The following GLI4 variants were observed in gnomAD, a reference collection of about 807,000 sequenced individuals.
GLI4 encodes zinc finger protein GLI4.
Under a neutral mutation model 30.9 loss-of-function variants are expected in GLI4, and 34 were observed. That is an observed-to-expected ratio of 1.10 (90% CI 0.84 to 1.47). The LOEUF (loss-of-function observed/expected upper bound fraction) is 1.47, where lower values mean the gene tolerates loss of function less well. Ranked by LOEUF, GLI4 falls within the 40% of genes most tolerant of loss-of-function variation. GLI4 has a pLI of 0.00. For missense variants in GLI4, 696 were observed against 538.9 expected (o/e 1.29, Z -2.89); for synonymous variants, 277 against 236.7 (o/e 1.17, Z -1.56).
At chr8:143,275,590 A>G in intron 3 of GLI4, 3 of 1,247,892 alleles carry the variant, frequency 2.4e-6, no homozygotes, top group Non-Finnish European at 2.0e-6. Context: ...CTCCTGGCTA[A>G]GGGTGACCCC....
At chr8:143,269,760 C>T (rs1039449318) in intron 2 of GLI4, among the ~76,000 whole-genome samples, 2 of 152,246 alleles carry the variant, frequency 1.3e-5, no homozygotes, top group African/African-American at 4.8e-5. Flanking sequence ...CTAGGGACAG[C>T]TCCCCGCATT....
intron 3 of GLI4, 41 bp from the exon 4 acceptor site, chr8:143,275,856 G>A: frequency 4.8e-6 from 6 of 1,259,518 alleles, no homozygotes; most frequent in Non-Finnish European, 6.0e-6. Flanking sequence ...CCACGGTGGG[G>A]GCATGCGGGT....
intron 1 of GLI4, among the ~76,000 whole-genome samples, chr8:143,268,526 G>A (rs1469073884): frequency 1.3e-5 from 2 of 152,204 alleles, no homozygotes; most frequent in African/African-American, 4.8e-5. Context: ...GCTCTGTAGG[G>A]TCTGAGGAAG....
chr8:143,268,184 C>T, intron 1 of GLI4: 1 of 708,990 alleles, frequency 1.4e-6, no homozygotes, highest in African/African-American at 1.9e-5. Flanking sequence ...TGACCCTTCC[C>T]ATCATTAGGG....
intron 2 of GLI4, among the ~76,000 whole-genome samples, chr8:143,271,727 G>A (rs1352530256): frequency 6.6e-6 from 1 of 152,162 alleles, no homozygotes; most frequent in Non-Finnish European, 1.5e-5. Flanking sequence ...AGCAGAGGAG[G>A]TCCCAAGTAG....
At chr8:143,274,454 C>T in intron 2 of GLI4, 1 of 341,102 alleles carries the variant, frequency 2.9e-6, no homozygotes. Flanking sequence ...TTTGGCTCTG[C>T]TTACTGGGCT....
rs1161336582 is a variant in GLI4, at chr8:143,269,508, G to T, written c.112G>T (p.Gly38Trp). The change falls in exon 2 of 4, where the codon GGG (glycine) becomes TGG (tryptophan). Residue 38 changes from glycine (G) to tryptophan (W), a missense_variant. Coordinates refer to ENST00000340042, the MANE Select transcript of GLI4 (RefSeq NM_138465.4). Reference protein sequence around the residue: ...QHHEPQLHLHGHQHGSPGSSP... With the variant: ...QHHEPQLHLHWHQHGSPGSSP... ...CCACGAGCCTCAGCTTCACCTCCAT[G>T]GGCATCAACATGGTACTCACCCAGC... is the stretch of plus-strand genomic sequence containing the variant. 1.2e-6 allele frequency: 2 copies of T among 1,612,922 alleles called. No individual in the cohort carries two copies. Among genetic ancestry groups the T allele is most frequent in the Non-Finnish European group, 1.7e-6 (2 of 1,179,412 alleles).
rs1350122828 is a variant in GLI4 at position 143,275,461 on chromosome 8, G to C, written c.224-436G>C. On this transcript the variant is annotated intron_variant, in intron 3 of 3. Coordinates refer to ENST00000340042, the MANE Select transcript of GLI4 (RefSeq NM_138465.4). ...GGCAGCACACTTGCCACCGAGGCCTGGGGCAGCCCCATGAGGAGCTGTGCC... is the reference window on the plus strand; with the variant it reads ...GGCAGCACACTTGCCACCGAGGCCTCGGGCAGCCCCATGAGGAGCTGTGCC... 3.6e-5 allele frequency: 49 copies of C among 1,361,358 alleles called. No homozygotes were observed. The Middle Eastern group carries it at 8.1e-4, about 22-fold the overall frequency. The allele number at this position is 1,361,358 out of a possible 1,614,324, so 84.3% of individuals were successfully genotyped here. A position where few individuals can be genotyped will look rare whatever the true frequency, so the allele number is the denominator to read the frequency against.
intron 2 of GLI4, chr8:143,273,072 G>T (rs1381903899): frequency 6.6e-6 from 1 of 152,282 alleles, no homozygotes; most frequent in Non-Finnish European, 1.5e-5. Context: ...TGGAATCGGG[G>T]TCACTTTCTT....
At position 143,276,643 on chromosome 8, in the gene GLI4, G is replaced by T; in HGVS notation, c.970G>T (p.Glu324Ter). The T allele has an allele frequency of 6.2e-7, 1 of 1,612,272 alleles. No individual in the cohort carries two copies. The highest frequency in any genetic ancestry group is 8.5e-7 in the Non-Finnish European group (1 of 1,179,690). ...QRIHTGEKPY[E>*]CSDCGKAFRG... ...CATCCACACTGGCGAGAAGCCCTACGAGTGCTCCGACTGCGGCAAAGCCTT... is the reference window on the plus strand; with the variant it reads ...CATCCACACTGGCGAGAAGCCCTACTAGTGCTCCGACTGCGGCAAAGCCTT... The change falls in exon 4 of 4, where the codon GAG (glutamate) becomes TAG (stop). Residue 324 changes from glutamate (E) to a stop codon, truncating the protein, a stop_gained. Coordinates refer to ENST00000340042, the MANE Select transcript of GLI4 (RefSeq NM_138465.4). LOFTEE classifies it high-confidence loss of function.
At chr8:143,267,860 C>G (rs1020111663) in intron 1 of GLI4, 7 of 985,338 alleles carry the variant, frequency 7.1e-6, no homozygotes, top group Non-Finnish European at 7.2e-6. Context: ...CGGGCGGACG[C>G]GCTCTGTGCC....
intron 3 of GLI4, chr8:143,275,304 C>T (rs1160947960): frequency 6.8e-7 from 1 of 1,467,204 alleles, no homozygotes; most frequent in Non-Finnish European, 9.0e-7. Context: ...CTGGATTTAA[C>T]AGTGCTGAGC....
At chr8:143,268,077 G>C in intron 1 of GLI4, 1 of 985,440 alleles carries the variant, frequency 1.0e-6, no homozygotes. Flanking sequence ...GATCGAGCAG[G>C]CCCTTTTACC....
In GLI4 at chr8:143,276,905, G is replaced by C; in HGVS notation, c.*101G>C. Reference sequence around the variant, plus strand: ...GCCCAGCACCGCATGCCACGTGTCCGGAATAAATTCTTTTTGATTGTTGGA... The same window carrying C: ...GCCCAGCACCGCATGCCACGTGTCCCGAATAAATTCTTTTTGATTGTTGGA... On this transcript the variant is annotated 3_prime_UTR_variant, in exon 4 of 4. Coordinates refer to ENST00000340042, the MANE Select transcript of GLI4 (RefSeq NM_138465.4). The C allele has an allele frequency of 2.6e-6, 2 of 757,904 alleles. No individual in the cohort carries two copies. Among genetic ancestry groups the C allele is most frequent in the Non-Finnish European group, 4.2e-6 (2 of 480,272 alleles). 46.9% of individuals were successfully genotyped at this position (757,904 alleles called of 1,614,324 possible). A position where few individuals can be genotyped will look rare whatever the true frequency, so the allele number is the denominator to read the frequency against.
intron 3 of GLI4, 44 bp from the exon 4 acceptor site, chr8:143,275,853 G>A: frequency 8.0e-7 from 1 of 1,257,174 alleles, no homozygotes; most frequent in Non-Finnish European, 1.0e-6. Flanking sequence ...GTGCCACGGT[G>A]GGGGCATGCG....
chr8:143,271,341 C>A (rs1048411400), intron 2 of GLI4, among the ~76,000 whole-genome samples: 2 of 152,170 alleles, frequency 1.3e-5, no homozygotes, highest in African/African-American at 4.8e-5. Flanking sequence ...GGCCTTCATC[C>A]CCTCTTCATG....
chr8:143,270,179 C>T (rs7817433), intron 2 of GLI4, among the ~76,000 whole-genome samples: 1 of 152,250 alleles, frequency 6.6e-6, no homozygotes, highest in East Asian at 1.9e-4. Context: ...CCATATAGGT[C>T]AAGCCTGGAG....
In GLI4 at chr8:143,276,025, G is replaced by A. The variant is rs1329660748; in HGVS notation, c.352G>A (p.Gly118Arg). Reference protein sequence around the residue: ...PRRARCSAGFGPESSAERPAG... With the variant: ...PRRARCSAGFRPESSAERPAG... ...CAGGGCCCGGTGCAGCGCCGGCTTC[G>A]GGCCTGAATCCAGCGCGGAGCGGCC... The change falls in exon 4 of 4, where the codon GGG (glycine) becomes AGG (arginine). Residue 118 changes from glycine to arginine, a missense_variant. Coordinates refer to ENST00000340042, the MANE Select transcript of GLI4 (RefSeq NM_138465.4). 3.6e-6 allele frequency: 5 copies of A among 1,400,184 alleles called. No homozygotes were observed. The highest frequency in any genetic ancestry group is 3.1e-5 in the Admixed American group (1 of 32,592). 86.7% of individuals were successfully genotyped at this position (1,400,184 alleles called of 1,614,324 possible).
intron 2 of GLI4, among the ~76,000 whole-genome samples, chr8:143,271,159 C>A (rs945952219): frequency 6.6e-6 from 1 of 152,196 alleles, no homozygotes; most frequent in Non-Finnish European, 1.5e-5. Flanking sequence ...CAGCTTCTGC[C>A]GTCTCCTTGC....
Sources: allele counts gnomAD v4.1 joint callset (sites outside exome capture counted in the v4.1 genomes callset), GRCh38; gene constraint gnomAD v4.1.1; transcripts MANE v1.5; gene names NCBI Gene and HGNC (gene_info 2026-07-23, HGNC 2026-07-21).